Variants in TACR3 observed in about 807,000 individuals in gnomAD.
TACR3 encodes tachykinin receptor 3, also known as neuromedin-K receptor.
TACR3 carries 34 observed loss-of-function variants against 35.0 expected under a neutral mutation model. The observed-to-expected ratio is 0.97, with a 90% CI of 0.74 to 1.30. TACR3 has a LOEUF of 1.30. Among genes scored for constraint, TACR3 ranks in the 50% most tolerant of loss-of-function variants. TACR3 has a pLI of 0.00. For synonymous variants in TACR3, 233 were observed against 221.1 expected, an observed-to-expected ratio of 1.05 and a Z score of -0.48; for missense variants, 558 against 591.7, an observed-to-expected ratio of 0.94 and a Z score of 0.59.
chr4:103,711,732 T>C, intron 1 of TACR3, among the ~76,000 whole-genome samples: 1 of 152,178 alleles, frequency 6.6e-6, no homozygotes, highest in Non-Finnish European at 1.5e-5. Flanking sequence ...CATGATTGTA[T>C]ATCTAGAAAA....
chr4:103,649,711 G>C (rs899232620), intron 3 of TACR3, among the ~76,000 whole-genome samples: 1 of 151,920 alleles, frequency 6.6e-6, no homozygotes, highest in Non-Finnish European at 1.5e-5. Flanking sequence ...CAATGTCTTT[G>C]CTAAATTGAT....
chr4:103,656,276 A>G lies in TACR3; in HGVS notation c.806T>C (p.Ile269Thr), dbSNP rs199777003. ...PLLIMGITYT[I>T]VGITLWGGEI... ...TCCTCCCCAGAGAGTAATTCCAACA[A>G]TGGTGTATGTAATACCCATGATGAG... Residue 269 changes from isoleucine to threonine, a missense_variant, in exon 3 of 5, where the codon ATT becomes ACT. Transcript: ENST00000304883. 5.0e-6 allele frequency: 8 copies of G among 1,612,994 alleles called. No homozygotes were observed. Among genetic ancestry groups the G allele is most frequent in the South Asian group, 2.2e-5 (2 of 91,080 alleles).
intron 3 of TACR3, among the ~76,000 whole-genome samples, chr4:103,617,734 T>A (rs2110301685): frequency 6.6e-6 from 1 of 152,286 alleles, no homozygotes; most frequent in South Asian, 2.1e-4. Context: ...GAGTCATGGT[T>A]TAAGAAAAAC....
rs188303194 is a variant in TACR3 at position 103,608,306 on chromosome 4, A to G, written c.889-16623T>C. Among the ~76,000 whole-genome samples the G allele has an allele frequency of 1.1e-4, 17 of 152,238 alleles. No individual in the cohort carries two copies. The East Asian group carries it at 2.7e-3, about 24-fold the overall frequency. On this transcript the variant is annotated intron_variant, in intron 3 of 4. Coordinates refer to ENST00000304883, the MANE Select transcript of TACR3 (RefSeq NM_001059.3). ...TAATCCTCAATGAATTAAAACCGAA[A>G]TAGAAAACGAGATACCACTTGTTCT...
intron 1 of TACR3, among the ~76,000 whole-genome samples, chr4:103,696,633 GT>G (rs1382644211): frequency 4.6e-5 from 7 of 151,888 alleles, no homozygotes; most frequent in Non-Finnish European, 1.0e-4. Flanking sequence ...ATTTTTTTAT[GT>G]GAAGATTTTT....
rs533771590 is a variant in TACR3 at position 103,659,866 on chromosome 4, T to A, written c.549-1463A>T. ...TGGCTAATTGCCAAATTCTAGCTAA[T>A]GTTCAGAGACAAAAATAATATGTAC... On this transcript the variant is annotated intron_variant, in intron 1 of 4. Transcript: ENST00000304883. Among the ~76,000 whole-genome samples, 297 of 152,268 alleles carry A rather than the reference T, an allele frequency of 2.0e-3. 2 individuals are homozygous for A. The highest frequency in any genetic ancestry group is 6.7e-3 in the African/African-American group (280 of 41,582).
intron 3 of TACR3, among the ~76,000 whole-genome samples, chr4:103,627,019 AT>A (rs1441211954): frequency 4.8e-5 from 7 of 146,852 alleles, no homozygotes; most frequent in African/African-American, 1.9e-4. Context: ...TGAAAAATAA[AT>A]AAAAAAAAAA....
At position 103,596,194 on chromosome 4, in the gene TACR3, A is replaced by G. The variant is rs1191248347; in HGVS notation, c.889-4511T>C. Among the ~76,000 whole-genome samples, 9 of 150,694 alleles carry G rather than the reference A, an allele frequency of 6.0e-5. No individual in the cohort carries two copies. The South Asian group carries it at 1.9e-3, about 32-fold the overall frequency. On this transcript the variant is annotated intron_variant, in intron 3 of 4. Coordinates refer to ENST00000304883, the MANE Select transcript of TACR3 (RefSeq NM_001059.3). ...GTTCCAAGTCTTTGCTATTGTGAATAGTGCCGCAATAAACATACGTGTGCA... is the reference window on the plus strand; with the variant it reads ...GTTCCAAGTCTTTGCTATTGTGAATGGTGCCGCAATAAACATACGTGTGCA...
chr4:103,686,974 G>A (rs1722258232), intron 1 of TACR3, among the ~76,000 whole-genome samples: 1 of 152,262 alleles, frequency 6.6e-6, no homozygotes, highest in South Asian at 2.1e-4. Context: ...TGTCCTTGAT[G>A]AACACTGATG....
intron 3 of TACR3, among the ~76,000 whole-genome samples, chr4:103,597,576 G>C (rs1407814779): frequency 6.6e-6 from 1 of 151,952 alleles, no homozygotes; most frequent in Non-Finnish European, 1.5e-5. Flanking sequence ...TTTACATTAG[G>C]TACATCTCCT....
At chr4:103,594,654 T>A (rs1309761515) in intron 3 of TACR3, among the ~76,000 whole-genome samples, 1 of 152,200 alleles carries the variant, frequency 6.6e-6, no homozygotes, top group Non-Finnish European at 1.5e-5. Context: ...GAAAACCTAC[T>A]AAGGCTATCA....
intron 3 of TACR3, among the ~76,000 whole-genome samples, chr4:103,630,298 A>T (rs1328854887): frequency 6.6e-6 from 1 of 152,224 alleles, no homozygotes; most frequent in Non-Finnish European, 1.5e-5. Flanking sequence ...CATGAATAAA[A>T]CACCAAAAGC....
chr4:103,603,667 T>C (rs1724267388), intron 3 of TACR3, among the ~76,000 whole-genome samples: 1 of 152,238 alleles, frequency 6.6e-6, no homozygotes, highest in Non-Finnish European at 1.5e-5. Flanking sequence ...GAATGATTTA[T>C]AATCCTTTGG....
At chr4:103,602,609 C>G (rs1447341684) in intron 3 of TACR3, among the ~76,000 whole-genome samples, 4 of 152,068 alleles carry the variant, frequency 2.6e-5, no homozygotes, top group Admixed American at 1.3e-4. Context: ...TTCTAACAGA[C>G]AGGACCCTCA....
chr4:103,591,303 T>A, intron 4 of TACR3, 184 bp downstream of exon 4: 2 of 657,846 alleles, frequency 3.0e-6, no homozygotes, highest in Non-Finnish European at 5.3e-6. Flanking sequence ...ATTATTAATG[T>A]GGGATGCTTT....
intron 1 of TACR3, among the ~76,000 whole-genome samples, chr4:103,680,634 G>A (rs994613698): frequency 6.6e-6 from 1 of 150,828 alleles, no homozygotes; most frequent in Non-Finnish European, 1.5e-5. Flanking sequence ...TTTCTCATTT[G>A]TACCCTAACA....
At chr4:103,648,289 T>C (rs907722359) in intron 3 of TACR3, among the ~76,000 whole-genome samples, 1 of 151,846 alleles carries the variant, frequency 6.6e-6, no homozygotes, top group East Asian at 1.9e-4. Flanking sequence ...TTACAAACAA[T>C]CTAATTATAC....
intron 1 of TACR3, among the ~76,000 whole-genome samples, chr4:103,713,083 T>C (rs1723006033): frequency 1.3e-5 from 2 of 152,156 alleles, no homozygotes; most frequent in African/African-American, 4.8e-5. Flanking sequence ...CTCAAGGATC[T>C]ATAACTAGAA....
chr4:103,609,218 T>C (rs189242867), intron 3 of TACR3, among the ~76,000 whole-genome samples: 2 of 152,240 alleles, frequency 1.3e-5, no homozygotes, highest in Admixed American at 6.5e-5. Flanking sequence ...TTGTTGGCCT[T>C]ATTCACTGCA....
Sources: allele counts gnomAD v4.1 joint callset (sites outside exome capture counted in the v4.1 genomes callset), GRCh38; gene constraint gnomAD v4.1.1; transcripts MANE v1.5; gene names NCBI Gene and HGNC (gene_info 2026-07-23, HGNC 2026-07-21).